The following DYNC1I1 variants were observed in gnomAD, a reference collection of about 807,000 sequenced individuals.
DYNC1I1 encodes cytoplasmic dynein 1 intermediate chain 1.
A neutral mutation model predicts 86.6 loss-of-function variants in DYNC1I1; 43 were observed. The observed-to-expected ratio is 0.50, with a 90% CI of 0.39 to 0.64. The LOEUF (loss-of-function observed/expected upper bound fraction) is 0.64. Ranked by LOEUF, DYNC1I1 falls within the 30% of genes least tolerant of loss-of-function variation. The pLI, the probability that DYNC1I1 is intolerant of heterozygous loss-of-function variation, is 0.00. For synonymous variants in DYNC1I1, 262 were observed against 283.7 expected, an observed-to-expected ratio of 0.92 and a Z score of 0.77; for missense variants, 604 against 788.8, an observed-to-expected ratio of 0.77 and a Z score of 2.81.
chr7:95,887,692 T>C (rs80195832), intron 6 of DYNC1I1, among the ~76,000 whole-genome samples: 3,774 of 152,246 alleles, frequency 0.025, 133 homozygotes, highest in African/African-American at 0.078. Flanking sequence ...TATCTGTCTT[T>C]GGAGAAAAGA....
intron 6 of DYNC1I1, among the ~76,000 whole-genome samples, chr7:95,961,717 C>T (rs1003077592): frequency 1.2e-4 from 19 of 152,232 alleles, no homozygotes; most frequent in African/African-American, 3.9e-4. Flanking sequence ...TTCCTTTCTC[C>T]TCTGTCCATC....
intron 5 of DYNC1I1, among the ~76,000 whole-genome samples, chr7:95,848,293 AC>A (rs1789489094): frequency 6.7e-6 from 1 of 149,786 alleles, no homozygotes; most frequent in Non-Finnish European, 1.5e-5. Flanking sequence ...TACTGTTATT[AC>A]CTATAGTCAT....
rs555565086 is a variant in DYNC1I1, at chr7:95,952,791, G to A, written c.491-24721G>A. On this transcript the variant is annotated intron_variant, in intron 6 of 16. Transcript: ENST00000447467. ...TTTACCATCCTGCTCCCTCTGCCTC[G>A]TCCTTCCTCTGTCCTTTTATGCATT... 6.6e-5 allele frequency among the ~76,000 whole-genome samples: 10 copies of A among 151,988 alleles called. No homozygotes were observed. In the East Asian group the frequency reaches 9.7e-4, roughly 15 times the overall value.
At chr7:95,874,535 G>A (rs1790254032) in intron 6 of DYNC1I1, among the ~76,000 whole-genome samples, 1 of 152,176 alleles carries the variant, frequency 6.6e-6, no homozygotes, top group Admixed American at 6.5e-5. Flanking sequence ...ATATATTGAA[G>A]GCTTAACCCC....
intron 4 of DYNC1I1, among the ~76,000 whole-genome samples, chr7:95,822,905 T>G (rs1795110460): frequency 6.6e-6 from 1 of 152,028 alleles, no homozygotes; most frequent in African/African-American, 2.4e-5. Context: ...GAGACTTGGG[T>G]AGCAGTGAGG....
intron 14 of DYNC1I1, among the ~76,000 whole-genome samples, chr7:96,063,608 A>T (rs2116182907): frequency 6.6e-6 from 1 of 151,416 alleles, no homozygotes; most frequent in South Asian, 2.1e-4. Flanking sequence ...TTTGTGTCCT[A>T]ATCTCCTCTT....
intron 10 of DYNC1I1, among the ~76,000 whole-genome samples, chr7:96,019,586 T>C: frequency 6.6e-6 from 1 of 152,004 alleles, no homozygotes; most frequent in East Asian, 1.9e-4. Flanking sequence ...ATTTAGAAAA[T>C]AGTCTGAAGG....
intron 7 of DYNC1I1, among the ~76,000 whole-genome samples, chr7:95,981,841 T>A (rs1793467237): frequency 6.6e-6 from 1 of 152,176 alleles, no homozygotes; most frequent in Non-Finnish European, 1.5e-5. Flanking sequence ...TTTAATGCCA[T>A]GAACTTGTTA....
chr7:96,029,908 C>G (rs982669444), intron 11 of DYNC1I1, among the ~76,000 whole-genome samples: 10 of 146,696 alleles, frequency 6.8e-5, no homozygotes, highest in African/African-American at 2.3e-4. Context: ...GAGACTTCCT[C>G]TAAAAAAAAA....
chr7:96,039,503 A>C (rs1195937794), intron 14 of DYNC1I1, 82 bp downstream of exon 14: 2 of 1,583,028 alleles, frequency 1.3e-6, no homozygotes, highest in Non-Finnish European at 1.7e-6. Flanking sequence ...AGTTGTCCCT[A>C]AAGCCTCTTC....
Position 95,984,862 on chromosome 7 carries a change from T to A in DYNC1I1, c.628T>A (p.Ser210Thr), listed in dbSNP as rs373488262. The change falls in exon 8 of 17, where the codon TCA (serine) becomes ACA (threonine). Residue 210 changes from serine to threonine, a missense_variant. By Grantham distance (58) the Ser-to-Thr change is moderately conservative. Transcript: ENST00000447467. ...TEEEKQQILH[S>T]EEFLIFFDRT... ...GGAAGAAAAACAGCAGATCCTTCATTCAGAGGAATTTCTCATCTTTTTTGA... is the reference window on the plus strand; with the variant it reads ...GGAAGAAAAACAGCAGATCCTTCATACAGAGGAATTTCTCATCTTTTTTGA... The A allele has an allele frequency of 6.2e-7, 1 of 1,613,158 alleles. No homozygotes were observed. The highest frequency in any genetic ancestry group is 8.5e-7 in the Non-Finnish European group (1 of 1,179,646).
At chr7:95,969,205 T>A (rs922129807) in intron 6 of DYNC1I1, among the ~76,000 whole-genome samples, 7 of 152,152 alleles carry the variant, frequency 4.6e-5, no homozygotes, top group African/African-American at 1.7e-4. Flanking sequence ...GGCTAAAGAA[T>A]CCATGACTTT....
chr7:95,972,291 A>G (rs1054186017), intron 6 of DYNC1I1, among the ~76,000 whole-genome samples: 3 of 152,148 alleles, frequency 2.0e-5, no homozygotes, highest in Admixed American at 6.5e-5. Context: ...GAGCTCTGGA[A>G]CACTGGGCCT....
At chr7:95,837,829 G>C (rs796139743) in intron 5 of DYNC1I1, among the ~76,000 whole-genome samples, 2 of 121,548 alleles carry the variant, frequency 1.6e-5, no homozygotes, top group African/African-American at 6.0e-5. Flanking sequence ...GCTTCGGCTC[G>C]CGCATGGTGC....
chr7:95,922,266 G>A (rs956210859), intron 6 of DYNC1I1, among the ~76,000 whole-genome samples: 5 of 151,732 alleles, frequency 3.3e-5, no homozygotes, highest in African/African-American at 7.3e-5. Flanking sequence ...AACATGCTGC[G>A]GTATATTTGG....
intron 1 of DYNC1I1, among the ~76,000 whole-genome samples, chr7:95,774,054 A>C (rs189757796): frequency 7.9e-5 from 12 of 152,330 alleles, no homozygotes; most frequent in Admixed American, 2.0e-4. Context: ...TTTCTCAATA[A>C]AATAAAATCT....
At chr7:95,915,443 C>T (rs988559438) in intron 6 of DYNC1I1, among the ~76,000 whole-genome samples, 5 of 152,146 alleles carry the variant, frequency 3.3e-5, no homozygotes, top group African/African-American at 1.2e-4. Flanking sequence ...ATCATTGAAG[C>T]ATATTTATGT....
intron 16 of DYNC1I1, among the ~76,000 whole-genome samples, chr7:96,082,590 G>A (rs2299285): frequency 0.41 from 61,972 of 151,830 alleles, 13,566 homozygotes; most frequent in African/African-American, 0.57. Context: ...AGGCCTTTTG[G>A]AAAGTCTTTA....
intron 14 of DYNC1I1, among the ~76,000 whole-genome samples, chr7:96,061,668 C>CT (rs1789774811): frequency 8.4e-6 from 1 of 119,574 alleles, no homozygotes; most frequent in African/African-American, 3.6e-5. Context: ...TCTCTCTCTT[C>CT]CTCTCTCTCT....
Sources: gnomAD v4.1 joint callset for allele counts (sites outside exome capture counted in the v4.1 genomes callset) on GRCh38, gnomAD v4.1.1 for gene constraint, MANE v1.5 for transcripts, NCBI Gene and HGNC (gene_info 2026-07-23, HGNC 2026-07-21) for gene names.